Variants in KMT2C observed in about 807,000 individuals in gnomAD.
KMT2C encodes the protein histone-lysine N-methyltransferase 2C.
A neutral mutation model predicts 507.9 loss-of-function variants in KMT2C; 88 were observed. The ratio of observed to expected loss-of-function variants is 0.17; its 90% CI spans 0.15 to 0.21. The LOEUF is 0.21. KMT2C is among the 10% of genes least tolerant of loss of function. The pLI, the probability that KMT2C is intolerant of heterozygous loss-of-function variation, is 1.00. For synonymous variants in KMT2C, 2,049 were observed against 2,080.8 expected (o/e 0.98, Z 0.42); for missense variants, 4,954 against 5,957.8 (o/e 0.83, Z 5.55).
In KMT2C at chr7:152,163,346, G is replaced by T. The variant is rs778695942; in HGVS notation, c.10231C>A (p.Gln3411Lys). The T allele has an allele frequency of 3.1e-6, 5 of 1,614,140 alleles. No individual in the cohort carries two copies. The highest frequency in any genetic ancestry group is 4.2e-6 in the Non-Finnish European group (5 of 1,180,018). Residue 3411 changes from glutamine to lysine, a missense_variant, in exon 43 of 59, where the codon CAA (glutamine) becomes AAA (lysine). Coordinates refer to ENST00000262189, the MANE Select transcript of KMT2C (RefSeq NM_170606.3). ...KERLREQQER[Q>K]RIQLMQEVDR... ...ACCTCCTGCATGAGTTGGATCCGTT[G>T]TCTCTCTTGCTGTTCTCGTAAACGT... is the stretch of plus-strand genomic sequence containing the variant.
Position 152,162,158 on chromosome 7 carries a change from C to G in KMT2C, c.11419G>C (p.Asp3807His), listed in dbSNP as rs1318016214. 6.2e-7 allele frequency: 1 copy of G among 1,602,100 alleles called. No homozygotes were observed. The highest frequency in any genetic ancestry group is 1.7e-5 in the Admixed American group (1 of 58,182). Residue 3807 changes from aspartate to histidine, a missense_variant, in exon 43 of 59, where the codon GAT becomes CAT. Around this residue, in one of 29 missense-constraint regions of KMT2C, gnomAD observed 801 missense variants for 751.2 expected, o/e 1.07. Coordinates refer to ENST00000262189, the MANE Select transcript of KMT2C (RefSeq NM_170606.3). ...SICSEDDCTK[D>H]NKLVEKQNPA... ...TTCTGCTTCTCAACTAGTTTATTATCCTTTGTACAGTCATCTTCTGAACAA... is the reference window on the plus strand; with the variant it reads ...TTCTGCTTCTCAACTAGTTTATTATGCTTTGTACAGTCATCTTCTGAACAA...
intron 9 of KMT2C, among the ~76,000 whole-genome samples, chr7:152,254,151 C>T (rs911222422): frequency 3.3e-5 from 5 of 152,032 alleles, no homozygotes; most frequent in African/African-American, 1.2e-4. Flanking sequence ...CACGGTGGCA[C>T]AGAACTGTGG....
At chr7:152,140,929 G>C (rs2090460584) in intron 55 of KMT2C, among the ~76,000 whole-genome samples, 1 of 152,194 alleles carries the variant, frequency 6.6e-6, no homozygotes, top group Non-Finnish European at 1.5e-5. Context: ...GAATAAACAA[G>C]ATCAGTGGAA....
chr7:152,311,722 G>T (rs1017944613), intron 5 of KMT2C, 76 bp downstream of exon 5: 1 of 1,041,166 alleles, frequency 9.6e-7, no homozygotes, highest in Non-Finnish European at 1.4e-6. Context: ...ATTTATTATT[G>T]AGGACATTAA....
chr7:152,296,215 G>A (rs1443809793), intron 6 of KMT2C, among the ~76,000 whole-genome samples: 1 of 151,698 alleles, frequency 6.6e-6, no homozygotes, highest in African/African-American at 2.4e-5. Flanking sequence ...GGTCACCTGA[G>A]GTCAGGAGTT....
At chr7:152,255,146 C>CATATATATAT (rs1208910877) in intron 9 of KMT2C, among the ~76,000 whole-genome samples, 1 of 63,986 alleles carries the variant, frequency 1.6e-5, no homozygotes, top group African/African-American at 6.7e-5. Context: ...TATATATATA[C>CATATATATAT]ATATATATAT....
intron 3 of KMT2C, among the ~76,000 whole-genome samples, chr7:152,319,355 C>T (rs913151074): frequency 6.6e-6 from 1 of 152,014 alleles, no homozygotes; most frequent in Non-Finnish European, 1.5e-5. Context: ...CTAGGAAAAA[C>T]CAGGCCATAC....
chr7:152,302,304 A>G (rs2096576512), intron 6 of KMT2C, among the ~76,000 whole-genome samples: 1 of 152,136 alleles, frequency 6.6e-6, no homozygotes, highest in Admixed American at 6.5e-5. Flanking sequence ...GCTCACTGCA[A>G]TCTCTGCCTC....
chr7:152,151,181 T>C (rs756158330), intron 50 of KMT2C, among the ~76,000 whole-genome samples, 174 bp from the exon 51 acceptor site: 2 of 152,144 alleles, frequency 1.3e-5, no homozygotes, highest in Non-Finnish European at 2.9e-5. Context: ...AGGGAAAAAA[T>C]ACATGTATAA....
intron 6 of KMT2C, among the ~76,000 whole-genome samples, chr7:152,305,870 C>CTTT (rs1395940871): frequency 2.0e-5 from 3 of 152,072 alleles, no homozygotes; most frequent in African/African-American, 7.2e-5. Context: ...CTCAAGGAGC[C>CTTT]CTGGTTCCTT....
In KMT2C at chr7:152,162,214, G is replaced by A. The variant is rs770450253; in HGVS notation, c.11363C>T (p.Ser3788Phe). The A allele has an allele frequency of 7.4e-6, 12 of 1,613,922 alleles. No individual in the cohort carries two copies. The Admixed American group carries it at 1.3e-4, about 18-fold the overall frequency. The change falls in exon 43 of 59, where the codon TCT becomes TTT. Residue 3788 changes from serine (S) to phenylalanine (F), a missense_variant. Transcript: ENST00000262189. ...GCCCTCAGGTTTTTGATTCAAAAGA[G>A]AAGATGACTTTTTATTTTTCAACAA... ...KHLLKNKKSS[S>F]LLNQKPEGSI...
intron 1 of KMT2C, among the ~76,000 whole-genome samples, chr7:152,361,025 T>G (rs1465815676): frequency 1.3e-5 from 2 of 152,162 alleles, no homozygotes. Flanking sequence ...ACAATCCTAT[T>G]GAATATAATC....
At chr7:152,303,041 A>G (rs1349162674) in intron 6 of KMT2C, among the ~76,000 whole-genome samples, 1 of 149,990 alleles carries the variant, frequency 6.7e-6, no homozygotes, top group East Asian at 2.1e-4. Context: ...GATTTCCAAG[A>G]TGTTGGTAGC....
chr7:152,171,399 T>C, intron 39 of KMT2C, 57 bp from the exon 40 acceptor site: 12 of 1,156,754 alleles, frequency 1.0e-5, no homozygotes, highest in Non-Finnish European at 1.5e-5. Context: ...TTATTAATAT[T>C]AATTAAAAAC....
chr7:152,334,089 C>T (rs892158525), intron 2 of KMT2C, among the ~76,000 whole-genome samples: 1 of 150,388 alleles, frequency 6.6e-6, no homozygotes, highest in Admixed American at 6.6e-5. Context: ...AATCCCCCCC[C>T]AAAAAAAAAG....
At chr7:152,424,196 C>T (rs2097796388) in intron 1 of KMT2C, among the ~76,000 whole-genome samples, 1 of 152,114 alleles carries the variant, frequency 6.6e-6, no homozygotes, top group Non-Finnish European at 1.5e-5. Flanking sequence ...TCACTGCAGC[C>T]TCCAACTCCT....
rs1229880480 is a variant in KMT2C, at chr7:152,187,257, C to T, written c.5008+5G>A. On this transcript the variant is annotated splice_donor_5th_base_variant and intron_variant, in intron 33 of 58. Transcript: ENST00000262189. ...TAAAACAGAAATAATATATTCATGG[C>T]TTACCAGGGAATTCTTCCTTTAAGT... The T allele has an allele frequency of 1.9e-6, 3 of 1,606,938 alleles. No homozygotes were observed. Among genetic ancestry groups the T allele is most frequent in the Non-Finnish European group, 1.7e-6 (2 of 1,173,682 alleles).
chr7:152,354,901 G>A (rs753026321), intron 2 of KMT2C, among the ~76,000 whole-genome samples: 2 of 152,160 alleles, frequency 1.3e-5, no homozygotes, highest in African/African-American at 2.4e-5. Context: ...GGTTGACAGA[G>A]GGAAGTAAAA....
intron 6 of KMT2C, among the ~76,000 whole-genome samples, chr7:152,294,250 C>A (rs1035435959): frequency 1.3e-5 from 2 of 152,132 alleles, no homozygotes; most frequent in African/African-American, 4.8e-5. Context: ...TGTACCGACA[C>A]CTTGCACTTA....
Sources: gnomAD v4.1 joint callset for allele counts (sites outside exome capture counted in the v4.1 genomes callset) on GRCh38, gnomAD v4.1.1 for gene constraint, gnomAD v4.1.1 regional missense constraint, MANE v1.5 for transcripts, NCBI Gene and HGNC (gene_info 2026-07-23, HGNC 2026-07-21) for gene names.